SLCO1A2: variants seen among roughly 807,000 people sequenced by gnomAD.
SLCO1A2 encodes solute carrier organic anion transporter family member 1A2, also known as OATP-1.
Under a neutral mutation model 69.0 loss-of-function variants are expected in SLCO1A2, and 67 were observed. That is an observed-to-expected ratio of 0.97 (90% CI 0.80 to 1.19). The LOEUF (loss-of-function observed/expected upper bound fraction) is 1.19, where lower values mean the gene tolerates loss of function less well. Among genes scored for constraint, SLCO1A2 ranks in the 50% most tolerant of loss-of-function variants. The pLI is 0.00. For missense variants in SLCO1A2, 787 were observed against 793.7 expected, an observed-to-expected ratio of 0.99 and a Z score of 0.10; for synonymous variants, 260 against 265.9, an observed-to-expected ratio of 0.98 and a Z score of 0.22.
intron 1 of SLCO1A2, among the ~76,000 whole-genome samples, chr12:21,384,737 A>G (rs930598298): frequency 6.6e-6 from 1 of 151,950 alleles, no homozygotes; most frequent in African/African-American, 2.4e-5. Flanking sequence ...AATTAAATAT[A>G]TCAAAAAAAT....
intron 2 of SLCO1A2, among the ~76,000 whole-genome samples, chr12:21,347,466 T>G (rs1953291963): frequency 6.6e-6 from 1 of 152,024 alleles, no homozygotes; most frequent in African/African-American, 2.4e-5. Context: ...GCCAACATGG[T>G]GAAACCCCCT....
chr12:21,350,835 CAAAAAAAAAAA>C (rs11454466), intron 2 of SLCO1A2, among the ~76,000 whole-genome samples: 7,354 of 40,730 alleles, frequency 0.18, 248 homozygotes, highest in Middle Eastern at 0.38. Context: ...GACTCTGTCT[CAAAAAAAAAAA>C]AAAAAAAAAA....
At chr12:21,270,396 A>G (rs1438149715) in intron 14 of SLCO1A2, among the ~76,000 whole-genome samples, 1 of 151,756 alleles carries the variant, frequency 6.6e-6, no homozygotes, top group African/African-American at 2.4e-5. Context: ...ACTAGATTCA[A>G]TTTATCAATT....
intron 12 of SLCO1A2, among the ~76,000 whole-genome samples, chr12:21,281,468 A>G (rs1591785083): frequency 6.6e-6 from 1 of 152,226 alleles, no homozygotes; most frequent in Non-Finnish European, 1.5e-5. Flanking sequence ...AAGAAAAGAA[A>G]AAAAACCAAT....
intron 3 of SLCO1A2, 107 bp downstream of exon 3, chr12:21,318,675 C>G: frequency 1.1e-6 from 1 of 879,686 alleles, no homozygotes; most frequent in Non-Finnish European, 1.7e-6. Context: ...ACTTATAACT[C>G]GGTCAGATTA....
chr12:21,403,960 A>G (rs1941780912), intron 1 of SLCO1A2, among the ~76,000 whole-genome samples: 1 of 152,104 alleles, frequency 6.6e-6, no homozygotes, highest in Non-Finnish European at 1.5e-5. Flanking sequence ...TTCAACTTTC[A>G]GTGTAGCTGG....
intron 1 of SLCO1A2, among the ~76,000 whole-genome samples, chr12:21,407,472 G>A (rs1941839429): frequency 6.6e-6 from 1 of 152,126 alleles, no homozygotes; most frequent in Non-Finnish European, 1.5e-5. Flanking sequence ...AGGGTGTGAA[G>A]CAGAAAAATT....
At chr12:21,358,019 G>A (rs914815363) in intron 2 of SLCO1A2, among the ~76,000 whole-genome samples, 1 of 152,092 alleles carries the variant, frequency 6.6e-6, no homozygotes, top group African/African-American at 2.4e-5. Context: ...GGTGGGGCAG[G>A]GTGGAGTGAG....
At chr12:21,270,425 A>G (rs1279431527) in intron 14 of SLCO1A2, among the ~76,000 whole-genome samples, 2 of 151,430 alleles carry the variant, frequency 1.3e-5, no homozygotes, top group Non-Finnish European at 3.0e-5. Flanking sequence ...GAATTTTTGC[A>G]TGTATAAGAT....
chr12:21,320,926 G>T (rs1951528384), intron 2 of SLCO1A2, among the ~76,000 whole-genome samples: 2 of 152,076 alleles, frequency 1.3e-5, no homozygotes, highest in African/African-American at 4.8e-5. Context: ...CCTTCCCTCA[G>T]CCTTGATGGT....
intron 1 of SLCO1A2, among the ~76,000 whole-genome samples, chr12:21,390,557 T>C (rs906483974): frequency 6.6e-6 from 1 of 152,172 alleles, no homozygotes; most frequent in African/African-American, 2.4e-5. Flanking sequence ...TTTTTTCCTG[T>C]CTTGCAAACA....
In SLCO1A2 at chr12:21,296,147, C is replaced by T. The variant is rs141600989; in HGVS notation, c.1076-355G>A. 1.1e-4 allele frequency among the ~76,000 whole-genome samples: 16 copies of T among 152,262 alleles called. No individual in the cohort carries two copies. The East Asian group carries it at 3.1e-3, about 29-fold the overall frequency. Reference sequence around the variant, plus strand: ...TGGCCAGTAATTTATTCATTTATTACCCTCTATTCTGTGTAGTGAGAATAT... The same window carrying T: ...TGGCCAGTAATTTATTCATTTATTATCCTCTATTCTGTGTAGTGAGAATAT... On this transcript the variant is annotated intron_variant, in intron 9 of 14. Coordinates refer to ENST00000683939, the MANE Select transcript of SLCO1A2 (RefSeq NM_001386879.1).
chr12:21,373,617 A>G (rs1234967179), intron 2 of SLCO1A2: 7 of 700,336 alleles, frequency 1.0e-5, no homozygotes, highest in South Asian at 8.9e-5. Context: ...TGGCAAATAA[A>G]TATCTTTGAT....
intron 4 of SLCO1A2, among the ~76,000 whole-genome samples, chr12:21,309,430 A>G (rs1949834378): frequency 6.6e-6 from 1 of 152,194 alleles, no homozygotes; most frequent in African/African-American, 2.4e-5. Context: ...AATAGTTTCC[A>G]CTGAAAGAAA....
At chr12:21,378,293 C>G in intron 1 of SLCO1A2, 1 of 1,614,158 alleles carries the variant, frequency 6.2e-7, no homozygotes, top group Non-Finnish European at 8.5e-7. Flanking sequence ...CAGCGCCTGG[C>G]AAATTTTTTA....
chr12:21,326,431 T>C (rs1014956553), intron 2 of SLCO1A2, among the ~76,000 whole-genome samples: 4 of 152,062 alleles, frequency 2.6e-5, no homozygotes, highest in Non-Finnish European at 5.9e-5. Flanking sequence ...AATAGGAAAA[T>C]GTAGGAAAGT....
chr12:21,283,416 A>T (rs1945170464), intron 12 of SLCO1A2, among the ~76,000 whole-genome samples: 1 of 152,210 alleles, frequency 6.6e-6, no homozygotes, highest in South Asian at 2.1e-4. Context: ...TTCAAAAATC[A>T]ATCAAAATCG....
At chr12:21,405,416 C>A (rs183199857) in intron 1 of SLCO1A2, among the ~76,000 whole-genome samples, 161 of 151,902 alleles carry the variant, frequency 1.1e-3, no homozygotes, top group African/African-American at 3.7e-3. Context: ...TGAAAAAAAA[C>A]TACTTCAAAA....
Position 21,328,839 on chromosome 12 carries a change from GT to G in SLCO1A2, c.60+5748del, listed in dbSNP as rs1952425909. Among the ~76,000 whole-genome samples, 4 of 152,270 alleles carry G rather than the reference GT, an allele frequency of 2.6e-5. 1 individual carries two copies. The East Asian group carries it at 7.7e-4, about 29-fold the overall frequency. On this transcript the variant is annotated intron_variant, in intron 2 of 14. Coordinates refer to ENST00000683939, the MANE Select transcript of SLCO1A2 (RefSeq NM_001386879.1). ...ACAGTGAGCAAAGGGGAGGGGAGAG[GT>G]TACAGGGCACTGAACTGGATACTAG...
Sources: gnomAD v4.1 joint callset for allele counts (sites outside exome capture counted in the v4.1 genomes callset) on GRCh38, gnomAD v4.1.1 for gene constraint, MANE v1.5 for transcripts, NCBI Gene and HGNC (gene_info 2026-07-23, HGNC 2026-07-21) for gene names.